CFAP54: variants seen among roughly 807,000 people sequenced by gnomAD.
CFAP54 encodes cilia- and flagella-associated protein 54.
Under a neutral mutation model 370.4 loss-of-function variants are expected in CFAP54, and 290 were observed. That is an observed-to-expected ratio of 0.78 (90% CI 0.71 to 0.86). The LOEUF is 0.86. CFAP54 is among the 40% of genes least tolerant of loss of function. The pLI is 0.00. For missense variants in CFAP54, 3,399 were observed against 3,528.7 expected, an observed-to-expected ratio of 0.96 and a Z score of 0.93; for synonymous variants, 1,206 against 1,236.5, an observed-to-expected ratio of 0.98 and a Z score of 0.52.
In CFAP54 at chr12:96,797,549, G is replaced by T. The variant is rs12582325; in HGVS notation, c.8850+5050G>T. On this transcript the variant is annotated intron_variant, in intron 63 of 67. Transcript: ENST00000524981. ...AGATTGATAGCTGTTATATCATCTT[G>T]GTGAATTGAACATTTTATCATTTTG... 9.6e-3 allele frequency among the ~76,000 whole-genome samples: 1,455 copies of T among 151,932 alleles called. 59 individuals are homozygous for T. The East Asian group carries it at 0.1, about 11-fold the overall frequency.
At chr12:96,612,682 G>A (rs922986396) in intron 26 of CFAP54, among the ~76,000 whole-genome samples, 4 of 152,184 alleles carry the variant, frequency 2.6e-5, no homozygotes, top group African/African-American at 4.8e-5. Context: ...TCAAAATGAA[G>A]GGATGGAGGA....
chr12:96,554,553 G>T, intron 16 of CFAP54, 123 bp from the exon 17 acceptor site: 1 of 1,130,434 alleles, frequency 8.8e-7, no homozygotes, highest in Non-Finnish European at 1.2e-6. Context: ...AAAGGGCTGA[G>T]AAGTGAGCAG....
intron 64 of CFAP54, 34 bp from the exon 65 acceptor site, chr12:96,817,741 T>C: frequency 7.4e-7 from 1 of 1,354,398 alleles, no homozygotes; most frequent in Non-Finnish European, 9.7e-7. Context: ...TCTTAACTCT[T>C]CAAATAAAAT....
At chr12:96,651,554 CT>C in intron 35 of CFAP54, 33 bp from the exon 36 acceptor site, 1 of 1,564,036 alleles carries the variant, frequency 6.4e-7, no homozygotes, top group Non-Finnish European at 8.8e-7. Flanking sequence ...ACTTTTGGAA[CT>C]TTGGGATCTT....
At chr12:96,572,091 A>T (rs992222871) in intron 19 of CFAP54, among the ~76,000 whole-genome samples, 7 of 152,238 alleles carry the variant, frequency 4.6e-5, no homozygotes, top group Non-Finnish European at 7.3e-5. Context: ...AGACACTGTA[A>T]TAAAGATTAC....
chr12:96,791,209 G>C (rs1958689707), intron 62 of CFAP54, among the ~76,000 whole-genome samples: 1 of 147,782 alleles, frequency 6.8e-6, no homozygotes, highest in African/African-American at 2.5e-5. Flanking sequence ...TTTTGAGACG[G>C]AGTCTCACTC....
chr12:96,736,468 T>C (rs1460179596), intron 50 of CFAP54, among the ~76,000 whole-genome samples: 1 of 152,100 alleles, frequency 6.6e-6, no homozygotes, highest in East Asian at 1.9e-4. Context: ...TGAAAGAATA[T>C]GGAAGCCCTC....
chr12:96,723,381 GAGA>G (rs1167577606), intron 50 of CFAP54, among the ~76,000 whole-genome samples: 1 of 152,090 alleles, frequency 6.6e-6, no homozygotes, highest in Non-Finnish European at 1.5e-5. Context: ...AAAGGGGACT[GAGA>G]AGAAGTGACC....
intron 67 of CFAP54, among the ~76,000 whole-genome samples, chr12:96,873,279 G>A (rs1207379333): frequency 6.6e-6 from 1 of 152,088 alleles, no homozygotes; most frequent in Non-Finnish European, 1.5e-5. Context: ...GGGATAATAA[G>A]GGAAAAAGAG....
At chr12:96,645,681 G>T (rs140536710) in intron 33 of CFAP54, 17,509 of 152,964 alleles carry the variant, frequency 0.11, 1,289 homozygotes, top group Middle Eastern at 0.17. Flanking sequence ...GAGGCATCAC[G>T]CTACCTGACT....
chr12:96,782,307 G>A (rs1958587922), intron 60 of CFAP54, among the ~76,000 whole-genome samples: 1 of 151,934 alleles, frequency 6.6e-6, no homozygotes, highest in Non-Finnish European at 1.5e-5. Flanking sequence ...CAATTGTTCT[G>A]GAAGTCCTAC....
chr12:96,510,028 A>G (rs1955147455), intron 4 of CFAP54, among the ~76,000 whole-genome samples: 1 of 151,990 alleles, frequency 6.6e-6, no homozygotes, highest in African/African-American at 2.4e-5. Flanking sequence ...CTGTAATCCT[A>G]GCACTTTGGG....
chr12:96,798,001 G>A (rs1958784500), intron 63 of CFAP54, among the ~76,000 whole-genome samples: 2 of 151,454 alleles, frequency 1.3e-5, no homozygotes, highest in African/African-American at 2.4e-5. Flanking sequence ...TGTGCTTTTA[G>A]TGGTTACCTT....
At chr12:96,551,485 A>ATGTGTG (rs10582056) in intron 15 of CFAP54, among the ~76,000 whole-genome samples, 9,291 of 143,758 alleles carry the variant, frequency 0.065, 573 homozygotes, top group East Asian at 0.36. Flanking sequence ...TTGAATGGGT[A>ATGTGTG]TGTGTGTGTG....
intron 48 of CFAP54, among the ~76,000 whole-genome samples, chr12:96,710,500 G>T (rs1317911448): frequency 6.6e-6 from 1 of 152,096 alleles, no homozygotes; most frequent in African/African-American, 2.4e-5. Flanking sequence ...TAGGGCAGGG[G>T]AAGGGTGGCC....
At position 96,582,122 on chromosome 12, in the gene CFAP54, A is replaced by G. The variant is rs117755539; in HGVS notation, c.3075+1017A>G. On this transcript the variant is annotated intron_variant, in intron 22 of 67. Transcript: ENST00000524981. ...AAGTAATTTTCATCTGTGAAGCAAG[A>G]GTAGCAGTAGTAGCTACTTCCCAGA... 5.9e-5 allele frequency among the ~76,000 whole-genome samples: 9 copies of G among 152,350 alleles called. No individual in the cohort carries two copies. The East Asian group carries it at 1.7e-3, about 29-fold the overall frequency.
At chr12:96,864,057 A>C (rs1959945633) in intron 67 of CFAP54, among the ~76,000 whole-genome samples, 2 of 152,242 alleles carry the variant, frequency 1.3e-5, no homozygotes, top group Non-Finnish European at 2.9e-5. Flanking sequence ...CAAAAAGAAA[A>C]TTCAAAATCT....
Position 96,664,689 on chromosome 12 carries a change from GTATATATCTA to G in CFAP54, c.5563+765_5563+774del, listed in dbSNP as rs1957040419. ...AATAGAACAATTTATATTCCTTTGG[GTATATATCTA>G]TATATATATATATATCTATATATAT... On this transcript the variant is annotated intron_variant, in intron 39 of 67. Transcript: ENST00000524981. Among the ~76,000 whole-genome samples, 47 of 26,288 alleles carry G rather than the reference GTATATATCTA, an allele frequency of 1.8e-3. 5 individuals carry two copies. Among genetic ancestry groups the G allele is most frequent in the South Asian group, 0.014 (16 of 1,148 alleles). The allele number at this position is 26,288 out of a possible 152,430, so 17.2% of individuals were successfully genotyped here.
intron 6 of CFAP54, among the ~76,000 whole-genome samples, chr12:96,520,086 G>T (rs1955287220): frequency 1.3e-5 from 2 of 152,096 alleles, no homozygotes. Context: ...GGAGTGCAGT[G>T]GTCTGATCAC....
Sources: gnomAD v4.1 joint callset for allele counts (sites outside exome capture counted in the v4.1 genomes callset) on GRCh38, gnomAD v4.1.1 for gene constraint, MANE v1.5 for transcripts, NCBI Gene and HGNC (gene_info 2026-07-23, HGNC 2026-07-21) for gene names.